Variants in ARHGAP26 observed in about 807,000 individuals in gnomAD.
ARHGAP26 encodes the protein Rho GTPase activating protein 26.
In ARHGAP26, 38 loss-of-function variants were observed where a neutral mutation model predicts 104.8. The ratio of observed to expected loss-of-function variants is 0.36; its 90% CI spans 0.28 to 0.48. The LOEUF (loss-of-function observed/expected upper bound fraction) is 0.48. Among genes scored for constraint, ARHGAP26 ranks in the 20% least tolerant of loss-of-function variants. The pLI, the probability that ARHGAP26 is intolerant of heterozygous loss-of-function variation, is 0.99. For synonymous variants in ARHGAP26, 341 were observed against 340.0 expected, an observed-to-expected ratio of 1.00 and a Z score of -0.03; for missense variants, 704 against 947.9, an observed-to-expected ratio of 0.74 and a Z score of 3.38.
At chr5:143,195,002 A>T (rs927752418) in intron 20 of ARHGAP26, among the ~76,000 whole-genome samples, 6 of 152,230 alleles carry the variant, frequency 3.9e-5, no homozygotes, top group Non-Finnish European at 8.8e-5. Flanking sequence ...GAACAGATTA[A>T]AATCAGATCA....
chr5:142,942,432 A>G, intron 11 of ARHGAP26, among the ~76,000 whole-genome samples: 1 of 152,240 alleles, frequency 6.6e-6, no homozygotes, highest in East Asian at 1.9e-4. Context: ...GGCAGGTGTG[A>G]TAACTTCTGT....
Position 143,129,387 on chromosome 5 carries a change from A to G in ARHGAP26, c.1699-4580A>G, listed in dbSNP as rs112111674. Reference sequence around the variant, plus strand: ...TCACCACAGTCCTGGGACTTTTTACAGATAAGGTCTCTGAAGGTCAGAGAG... The same window carrying G: ...TCACCACAGTCCTGGGACTTTTTACGGATAAGGTCTCTGAAGGTCAGAGAG... On this transcript the variant is annotated intron_variant, in intron 18 of 22. Coordinates refer to ENST00000645722, the MANE Select transcript of ARHGAP26 (RefSeq NM_001135608.3). Among the ~76,000 whole-genome samples, 999 of 152,294 alleles carry G rather than the reference A, an allele frequency of 6.6e-3. 14 individuals are homozygous for G. Among genetic ancestry groups the G allele is most frequent in the African/African-American group, 0.023 (956 of 41,550 alleles).
chr5:143,226,054 TC>T lies in ARHGAP26; in HGVS notation c.*3611del. ...CAGAGTGGAAGACCATGGCCCAGGA[TC>T]CCTGAGCTTTCCCAGTAGCCTCCAG... On this transcript the variant is annotated 3_prime_UTR_variant, in exon 23 of 23. Transcript: ENST00000645722. 4.7e-6 allele frequency: 1 copy of T among 212,290 alleles called. No individual in the cohort carries two copies. The highest frequency in any genetic ancestry group is 9.5e-6 in the Non-Finnish European group (1 of 104,806). 13.2% of individuals were successfully genotyped at this position (212,290 alleles called of 1,614,324 possible).
intron 1 of ARHGAP26, among the ~76,000 whole-genome samples, chr5:142,802,730 C>T (rs1762310162): frequency 6.6e-6 from 1 of 151,928 alleles, no homozygotes; most frequent in South Asian, 2.1e-4. Context: ...CATACTAGGG[C>T]ACTGGAAATT....
chr5:142,982,088 A>C (rs1390218576), intron 11 of ARHGAP26, among the ~76,000 whole-genome samples: 3 of 152,186 alleles, frequency 2.0e-5, no homozygotes, highest in Admixed American at 6.5e-5. Context: ...GAAGGCTGAA[A>C]AGCCCTGTGA....
intron 11 of ARHGAP26, among the ~76,000 whole-genome samples, chr5:142,993,665 G>T (rs555568997): frequency 6.6e-6 from 1 of 151,624 alleles, no homozygotes; most frequent in African/African-American, 2.4e-5. Context: ...TTGAGACAGG[G>T]CCTCGCTCTG....
intron 1 of ARHGAP26, among the ~76,000 whole-genome samples, chr5:142,846,345 A>C (rs1771942918): frequency 6.6e-6 from 1 of 152,114 alleles, no homozygotes; most frequent in South Asian, 2.1e-4. Flanking sequence ...AGGAGTCACC[A>C]GTGCATAGGT....
At chr5:142,825,747 G>A (rs1207581064) in intron 1 of ARHGAP26, among the ~76,000 whole-genome samples, 1 of 152,186 alleles carries the variant, frequency 6.6e-6, no homozygotes, top group Non-Finnish European at 1.5e-5. Context: ...CCGAAGCAAG[G>A]TATTCTAAAA....
intron 14 of ARHGAP26, among the ~76,000 whole-genome samples, chr5:143,049,343 G>A (rs1203693833): frequency 6.6e-6 from 1 of 152,000 alleles, no homozygotes; most frequent in African/African-American, 2.4e-5. Context: ...TTATTTTGCT[G>A]TTTATAATGC....
At chr5:142,989,892 T>C (rs1030224244) in intron 11 of ARHGAP26, among the ~76,000 whole-genome samples, 1 of 152,024 alleles carries the variant, frequency 6.6e-6, no homozygotes, top group East Asian at 2.0e-4. Flanking sequence ...TAGCATTTTT[T>C]CCTTCATTTC....
intron 1 of ARHGAP26, among the ~76,000 whole-genome samples, chr5:142,777,634 G>A (rs74691290): frequency 2.0e-5 from 3 of 152,130 alleles, no homozygotes; most frequent in Non-Finnish European, 4.4e-5. Context: ...GAAGAGTTTC[G>A]TTCAGGAAAT....
intron 12 of ARHGAP26, among the ~76,000 whole-genome samples, chr5:143,015,992 A>G (rs1779530215): frequency 6.6e-6 from 1 of 152,228 alleles, no homozygotes; most frequent in African/African-American, 2.4e-5. Context: ...GTGCAAAGAT[A>G]GTTTGTACAA....
At chr5:142,771,674 T>G (rs1755241200) in intron 1 of ARHGAP26, among the ~76,000 whole-genome samples, 3 of 152,234 alleles carry the variant, frequency 2.0e-5, no homozygotes, top group Admixed American at 2.0e-4. Context: ...TTTTACCTCT[T>G]CCGTTATCCT....
At chr5:143,106,560 C>G (rs544200319) in intron 17 of ARHGAP26, among the ~76,000 whole-genome samples, 1 of 150,636 alleles carries the variant, frequency 6.6e-6, no homozygotes, top group Non-Finnish European at 1.5e-5. Flanking sequence ...GCAACCTCCG[C>G]CTCCCGGGTT....
At chr5:143,049,126 A>G (rs1784642710) in intron 14 of ARHGAP26, among the ~76,000 whole-genome samples, 1 of 152,080 alleles carries the variant, frequency 6.6e-6, no homozygotes, top group South Asian at 2.1e-4. Flanking sequence ...GGGCCACTGA[A>G]GGAGTTTTTA....
At chr5:143,090,199 A>G (rs1052453770) in intron 17 of ARHGAP26, among the ~76,000 whole-genome samples, 1 of 152,220 alleles carries the variant, frequency 6.6e-6, no homozygotes, top group Non-Finnish European at 1.5e-5. Context: ...AGAGCGTGGC[A>G]TGACTTGTTA....
intron 17 of ARHGAP26, among the ~76,000 whole-genome samples, chr5:143,118,709 G>T (rs1795776459): frequency 1.3e-5 from 2 of 152,028 alleles, no homozygotes; most frequent in South Asian, 4.1e-4. Flanking sequence ...GAGTGTGAGG[G>T]TGCAGTGATC....
At chr5:143,200,552 A>AG (rs1807541052) in intron 20 of ARHGAP26, among the ~76,000 whole-genome samples, 1 of 152,150 alleles carries the variant, frequency 6.6e-6, no homozygotes, top group Non-Finnish European at 1.5e-5. Context: ...TGCCTTATTA[A>AG]GGGAAAAAAA....
chr5:143,114,964 T>G (rs1330985892), intron 17 of ARHGAP26, among the ~76,000 whole-genome samples: 1 of 152,048 alleles, frequency 6.6e-6, no homozygotes, highest in Non-Finnish European at 1.5e-5. Flanking sequence ...CAGAGTGAGT[T>G]TGGTGGCTTT....
Sources: allele counts gnomAD v4.1 joint callset (sites outside exome capture counted in the v4.1 genomes callset), GRCh38; gene constraint gnomAD v4.1.1; transcripts MANE v1.5; gene names NCBI Gene and HGNC (gene_info 2026-07-23, HGNC 2026-07-21).